Variants in MAGI1 observed in about 807,000 individuals in gnomAD.
MAGI1 encodes membrane associated guanylate kinase, WW and PDZ domain containing 1.
A neutral mutation model predicts 139.9 loss-of-function variants in MAGI1; 58 were observed. The observed-to-expected ratio is 0.41, with a 90% CI of 0.34 to 0.52. The LOEUF (loss-of-function observed/expected upper bound fraction) is 0.52. Among genes scored for constraint, MAGI1 ranks in the 20% least tolerant of loss-of-function variants. The pLI is 0.12. For synonymous variants in MAGI1, 812 were observed against 737.9 expected (o/e 1.10, Z -1.63); for missense variants, 1,874 against 1,901.6 (o/e 0.99, Z 0.27).
chr3:65,950,766 T>A lies in MAGI1; in HGVS notation c.313+87230A>T, dbSNP rs576455723. 3.9e-5 allele frequency among the ~76,000 whole-genome samples: 6 copies of A among 152,178 alleles called. No homozygotes were observed. The South Asian group carries it at 1.0e-3, about 26-fold the overall frequency. Reference sequence around the variant, plus strand: ...ATGGAAAAGCTTCCCTTGAATCAAATGAAGTCCCAGACAGAGGTATGCACT... The same window carrying A: ...ATGGAAAAGCTTCCCTTGAATCAAAAGAAGTCCCAGACAGAGGTATGCACT... On this transcript the variant is annotated intron_variant, in intron 1 of 22. Coordinates refer to ENST00000402939, the MANE Select transcript of MAGI1 (RefSeq NM_001033057.2).
chr3:65,484,254 G>T (rs918272105), intron 3 of MAGI1, among the ~76,000 whole-genome samples: 2 of 152,108 alleles, frequency 1.3e-5, no homozygotes, highest in African/African-American at 2.4e-5. Flanking sequence ...AAACATAAAG[G>T]CCCAAAGTGG....
chr3:65,555,896 A>G (rs1000065429), intron 2 of MAGI1, among the ~76,000 whole-genome samples: 4 of 152,248 alleles, frequency 2.6e-5, no homozygotes, highest in Non-Finnish European at 5.9e-5. Context: ...CTTGATACAG[A>G]GCCTGATGGA....
At chr3:65,387,829 A>G (rs1430540853) in intron 14 of MAGI1, among the ~76,000 whole-genome samples, 3 of 152,234 alleles carry the variant, frequency 2.0e-5, no homozygotes, top group African/African-American at 7.2e-5. Context: ...AAGAAGCTCA[A>G]TCGCCACTTC....
intron 1 of MAGI1, among the ~76,000 whole-genome samples, chr3:65,959,245 T>C (rs1294267691): frequency 6.6e-6 from 1 of 152,178 alleles, no homozygotes; most frequent in African/African-American, 2.4e-5. Context: ...GTTCTCTGAT[T>C]TCTCCTTCCT....
At chr3:65,890,041 C>T (rs1462560031) in intron 1 of MAGI1, among the ~76,000 whole-genome samples, 2 of 152,130 alleles carry the variant, frequency 1.3e-5, no homozygotes, top group African/African-American at 2.4e-5. Context: ...AAGTGGGCAA[C>T]CAGTTTTTAG....
chr3:65,878,171 C>T (rs756490180), intron 1 of MAGI1, among the ~76,000 whole-genome samples: 2 of 151,830 alleles, frequency 1.3e-5, no homozygotes, highest in Non-Finnish European at 2.9e-5. Context: ...TGGGCTTTGG[C>T]AAAACCTCAC....
chr3:65,581,157 CCT>C (rs2081402869), intron 2 of MAGI1, among the ~76,000 whole-genome samples: 1 of 151,790 alleles, frequency 6.6e-6, no homozygotes, highest in African/African-American at 2.4e-5. Flanking sequence ...AGTTTGACTC[CCT>C]ACAGTCTGAG....
chr3:65,822,990 C>G lies in MAGI1; in HGVS notation c.314-200902G>C, dbSNP rs1006279586. Among the ~76,000 whole-genome samples, 4 of 152,186 alleles carry G rather than the reference C, an allele frequency of 2.6e-5. No individual in the cohort carries two copies. In the East Asian group the frequency reaches 7.7e-4, roughly 29 times the overall value. Reference sequence around the variant, plus strand: ...CCAACCAAATACAATGTGTGCACCTCACTTAGATCCTTATTCAAACAAAGA... The same window carrying G: ...CCAACCAAATACAATGTGTGCACCTGACTTAGATCCTTATTCAAACAAAGA... On this transcript the variant is annotated intron_variant, in intron 1 of 22. Transcript: ENST00000402939.
In MAGI1 at chr3:65,359,392, G is replaced by C. The variant is rs191198674; in HGVS notation, c.3634+1807C>G. ...TTTAGACAGCCATAAGGTGACTCGAGAACCCAGACAACGAATGCATCCTTT... is the reference window on the plus strand; with the variant it reads ...TTTAGACAGCCATAAGGTGACTCGACAACCCAGACAACGAATGCATCCTTT... On this transcript the variant is annotated intron_variant, in intron 22 of 22. Transcript: ENST00000402939. The C allele has an allele frequency of 3.0e-3, 3,888 of 1,284,146 alleles. 12 individuals are homozygous for C. Among genetic ancestry groups the C allele is most frequent in the Non-Finnish European group, 3.6e-3 (3,626 of 1,012,524 alleles). 79.5% of individuals were successfully genotyped at this position (1,284,146 alleles called of 1,614,324 possible). A position where few individuals can be genotyped will look rare whatever the true frequency, so the allele number is the denominator to read the frequency against.
intron 1 of MAGI1, among the ~76,000 whole-genome samples, chr3:66,019,032 T>C (rs2067825055): frequency 6.6e-6 from 1 of 152,158 alleles, no homozygotes; most frequent in African/African-American, 2.4e-5. Flanking sequence ...ATTCCACAAA[T>C]GTTTATGCTG....
intron 18 of MAGI1, among the ~76,000 whole-genome samples, chr3:65,372,933 G>C (rs1002674264): frequency 7.9e-5 from 12 of 152,162 alleles, no homozygotes; most frequent in Admixed American, 7.2e-4. Context: ...TGGCTGGTTT[G>C]ATTTTCTATC....
chr3:65,917,601 A>G (rs1401141343), intron 1 of MAGI1, among the ~76,000 whole-genome samples: 1 of 152,228 alleles, frequency 6.6e-6, no homozygotes, highest in Non-Finnish European at 1.5e-5. Context: ...ATATGATTCA[A>G]CACTAAAAAG....
intron 2 of MAGI1, among the ~76,000 whole-genome samples, chr3:65,548,684 G>T (rs2079643981): frequency 6.6e-6 from 1 of 151,790 alleles, no homozygotes; most frequent in Non-Finnish European, 1.5e-5. Flanking sequence ...CACCACGCCG[G>T]GCTAATTTTC....
chr3:65,687,962 T>TA (rs1249837497), intron 1 of MAGI1: 1 of 756,794 alleles, frequency 1.3e-6, no homozygotes, highest in Non-Finnish European at 2.4e-6. Context: ...AGTTCACAGT[T>TA]AAAGTTATCA....
intron 2 of MAGI1, among the ~76,000 whole-genome samples, chr3:65,505,680 C>T (rs2077256705): frequency 6.9e-6 from 1 of 144,864 alleles, no homozygotes; most frequent in African/African-American, 2.5e-5. Flanking sequence ...GGAATGACTG[C>T]TAATAGCTAC....
At chr3:65,895,801 A>C (rs1017353880) in intron 1 of MAGI1, among the ~76,000 whole-genome samples, 76 of 152,290 alleles carry the variant, frequency 5.0e-4, no homozygotes, top group African/African-American at 1.6e-3. Flanking sequence ...TTTTTCCTCA[A>C]AGGGACTTTT....
At chr3:65,499,080 ACTCTCATATGCTTTG>A in intron 2 of MAGI1, 1 of 946,306 alleles carries the variant, frequency 1.1e-6, no homozygotes, top group Non-Finnish European at 1.3e-6. Flanking sequence ...AAAACAAAAA[ACTCTCATATGCTTTG>A]AAAAACTATC....
At chr3:65,643,752 A>G (rs945299199) in intron 1 of MAGI1, among the ~76,000 whole-genome samples, 1 of 152,210 alleles carries the variant, frequency 6.6e-6, no homozygotes, top group African/African-American at 2.4e-5. Context: ...ACTGTTACAC[A>G]ATAACGGCTC....
At chr3:65,666,168 A>G (rs1383827981) in intron 1 of MAGI1, among the ~76,000 whole-genome samples, 1 of 151,578 alleles carries the variant, frequency 6.6e-6, no homozygotes, top group Non-Finnish European at 1.5e-5. Context: ...TTCACCATCA[A>G]CTCCCTGTTA....
Sources: allele counts gnomAD v4.1 joint callset (sites outside exome capture counted in the v4.1 genomes callset), GRCh38; gene constraint gnomAD v4.1.1; transcripts MANE v1.5; gene names NCBI Gene and HGNC (gene_info 2026-07-23, HGNC 2026-07-21).